Variants in SPSB4 observed in about 807,000 individuals in gnomAD.
SPSB4 encodes the protein SPRY domain-containing SOCS box protein 4.
SPSB4 carries 21 observed loss-of-function variants against 20.9 expected under a neutral mutation model. The ratio of observed to expected loss-of-function variants is 1.01; its 90% CI spans 0.71 to 1.45. The LOEUF (loss-of-function observed/expected upper bound fraction) is 1.45, where lower values mean the gene tolerates loss of function less well. Ranked by LOEUF, SPSB4 falls within the 40% of genes most tolerant of loss-of-function variation. The pLI, the probability that SPSB4 is intolerant of heterozygous loss-of-function variation, is 0.00. For missense variants in SPSB4, 399 were observed against 399.2 expected (o/e 1.00, Z 0.00); for synonymous variants, 207 against 183.8 (o/e 1.13, Z -1.02).
At chr3:141,107,225 C>A (rs1432424130) in intron 2 of SPSB4, among the ~76,000 whole-genome samples, 1 of 152,188 alleles carries the variant, frequency 6.6e-6, no homozygotes, top group African/African-American at 2.4e-5. Flanking sequence ...ATGCTGGAGG[C>A]AAAACCATCA....
intron 1 of SPSB4, among the ~76,000 whole-genome samples, chr3:141,064,625 T>C (rs1350177251): frequency 2.0e-5 from 3 of 152,128 alleles, no homozygotes; most frequent in Admixed American, 6.5e-5. Flanking sequence ...TGTACCACTG[T>C]CTGGGTGGGA....
chr3:141,078,723 G>C (rs553171246), intron 2 of SPSB4, among the ~76,000 whole-genome samples: 2 of 152,264 alleles, frequency 1.3e-5, no homozygotes, highest in African/African-American at 4.8e-5. Context: ...GGGGCCTCTG[G>C]GTTAAGCGCC....
At chr3:141,128,446 G>C (rs1939082004) in intron 2 of SPSB4, among the ~76,000 whole-genome samples, 1 of 152,192 alleles carries the variant, frequency 6.6e-6, no homozygotes, top group Non-Finnish European at 1.5e-5. Flanking sequence ...AAGTGGTGTA[G>C]TGGTGTGAAC....
At chr3:141,088,879 C>T (rs1474521662) in intron 2 of SPSB4, among the ~76,000 whole-genome samples, 2 of 152,156 alleles carry the variant, frequency 1.3e-5, no homozygotes, top group African/African-American at 2.4e-5. Context: ...CTCAGGAACC[C>T]AAACCAAGGC....
chr3:141,096,024 T>G (rs1311436599), intron 2 of SPSB4, among the ~76,000 whole-genome samples: 1 of 152,110 alleles, frequency 6.6e-6, no homozygotes, highest in African/African-American at 2.4e-5. Context: ...ATATGACTTT[T>G]GACAACACCA....
chr3:141,134,700 T>C (rs1377343217), intron 2 of SPSB4, among the ~76,000 whole-genome samples: 2 of 152,200 alleles, frequency 1.3e-5, no homozygotes. Flanking sequence ...TTTTTTGATA[T>C]GCTGCCGAAT....
chr3:141,084,503 G>A (rs1372651021), intron 2 of SPSB4, among the ~76,000 whole-genome samples: 1 of 152,220 alleles, frequency 6.6e-6, no homozygotes, highest in East Asian at 1.9e-4. Context: ...CTGCCCTGGG[G>A]CTTGGAACAT....
At chr3:141,086,013 G>A (rs2107789010) in intron 2 of SPSB4, among the ~76,000 whole-genome samples, 2 of 152,346 alleles carry the variant, frequency 1.3e-5, no homozygotes, top group Middle Eastern at 6.8e-3. Context: ...TGGTCTGTGT[G>A]GTTGGAGCAT....
intron 2 of SPSB4, among the ~76,000 whole-genome samples, chr3:141,110,213 C>T (rs1262364415): frequency 6.6e-6 from 1 of 152,212 alleles, no homozygotes; most frequent in Non-Finnish European, 1.5e-5. Flanking sequence ...TTCTCAGCCT[C>T]CCCATCAAAG....
intron 1 of SPSB4, among the ~76,000 whole-genome samples, chr3:141,058,470 T>C (rs1281204990): frequency 6.6e-6 from 1 of 152,190 alleles, no homozygotes; most frequent in East Asian, 1.9e-4. Context: ...GGAGGCATCC[T>C]TTGGCGTTCT....
chr3:141,122,333 GC>G (rs1433095210), intron 2 of SPSB4, among the ~76,000 whole-genome samples: 14 of 152,164 alleles, frequency 9.2e-5, no homozygotes, highest in African/African-American at 3.4e-4. Context: ...GTGTCTGTCA[GC>G]CCTTACTGGG....
chr3:141,106,936 A>G (rs1938698882), intron 2 of SPSB4, among the ~76,000 whole-genome samples: 1 of 152,166 alleles, frequency 6.6e-6, no homozygotes, highest in Non-Finnish European at 1.5e-5. Flanking sequence ...CATCTTTCTC[A>G]GGTCCCCAAA....
rs116560002 is a variant in SPSB4, at chr3:141,087,828, C to T, written c.694+21030C>T. Among the ~76,000 whole-genome samples the T allele has an allele frequency of 1.2e-3, 179 of 152,246 alleles. 3 individuals carry two copies. The highest frequency in any genetic ancestry group is 4.2e-3 in the African/African-American group (174 of 41,548). Reference sequence around the variant, plus strand: ...CTAGTCGCCTGTGAGGAGTTGCTGCCGGATGCGTTCTGGCCTTGTCTGTGG... The same window carrying T: ...CTAGTCGCCTGTGAGGAGTTGCTGCTGGATGCGTTCTGGCCTTGTCTGTGG... On this transcript the variant is annotated intron_variant, in intron 2 of 2. Transcript: ENST00000310546.
chr3:141,117,951 C>A (rs554407608), intron 2 of SPSB4, among the ~76,000 whole-genome samples: 2 of 152,318 alleles, frequency 1.3e-5, no homozygotes, highest in African/African-American at 4.8e-5. Context: ...GTGGATAGTG[C>A]TGCAATAAAC....
At chr3:141,084,662 A>G (rs1264994738) in intron 2 of SPSB4, among the ~76,000 whole-genome samples, 2 of 152,154 alleles carry the variant, frequency 1.3e-5, no homozygotes, top group Non-Finnish European at 2.9e-5. Context: ...TGTGGTGTCT[A>G]CTTGTTATGG....
At chr3:141,144,509 T>G (rs1939381110) in intron 2 of SPSB4, among the ~76,000 whole-genome samples, 1 of 152,220 alleles carries the variant, frequency 6.6e-6, no homozygotes, top group Admixed American at 6.5e-5. Flanking sequence ...GCCAAGAGAA[T>G]GGGCGCAGCC....
Position 141,070,204 on chromosome 3 carries a change from A to AGAT in SPSB4, c.694+3406_694+3407insGAT, listed in dbSNP as rs578043461. ...CTGTCCCAGGGGTTGTCCAGGGCAC[A>AGAT]AATAATAATAATAATAATAGCAACA... is the stretch of plus-strand genomic sequence containing the variant. On this transcript the variant is annotated intron_variant, in intron 2 of 2. Transcript: ENST00000310546. Among the ~76,000 whole-genome samples the AGAT allele has an allele frequency of 2.9e-3, 447 of 151,800 alleles. 4 individuals are homozygous for AGAT. The highest frequency in any genetic ancestry group is 0.01 in the African/African-American group (434 of 41,484).
At chr3:141,135,071 A>G (rs1939203206) in intron 2 of SPSB4, among the ~76,000 whole-genome samples, 1 of 152,010 alleles carries the variant, frequency 6.6e-6, no homozygotes, top group African/African-American at 2.4e-5. Flanking sequence ...CAATAGCACC[A>G]ACAACCCCAG....
At position 141,066,621 on chromosome 3, in the gene SPSB4, C is replaced by A. The variant is rs776797748; in HGVS notation, c.517C>A (p.Leu173Met). The change falls in exon 2 of 3, where the codon CTG becomes ATG. Residue 173 changes from leucine (L) to methionine (M), a missense_variant. Physicochemically the swap from Leu to Met is conservative, Grantham distance 15. Transcript: ENST00000310546. ...AFLGPDEAFA[L>M]PDSLLVVLDM... ...TCTGGGGCCCGACGAGGCCTTTGCG[C>A]TGCCCGACTCGCTGCTCGTGGTGCT... The A allele has an allele frequency of 1.9e-6, 3 of 1,605,260 alleles. No individual in the cohort carries two copies. Among genetic ancestry groups the A allele is most frequent in the Non-Finnish European group, 2.6e-6 (3 of 1,175,814 alleles).
Sources: allele counts gnomAD v4.1 joint callset (sites outside exome capture counted in the v4.1 genomes callset), GRCh38; gene constraint gnomAD v4.1.1; transcripts MANE v1.5; gene names NCBI Gene and HGNC (gene_info 2026-07-23, HGNC 2026-07-21).